Variants in AK7 observed in about 807,000 individuals in gnomAD.
The protein encoded by AK7 is ATP-AMP transphosphorylase 7.
A neutral mutation model predicts 96.6 loss-of-function variants in AK7; 78 were observed. The observed-to-expected ratio is 0.81, with a 90% CI of 0.67 to 0.97. The LOEUF is 0.97. Among genes scored for constraint, AK7 ranks in the 50% least tolerant of loss-of-function variants. The probability of loss-of-function intolerance (pLI) is 0.00; values close to 1 mark genes in which losing one functional copy is unlikely to be tolerated. For synonymous variants in AK7, 302 were observed against 317.2 expected, an observed-to-expected ratio of 0.95 and a Z score of 0.51; for missense variants, 855 against 887.9, an observed-to-expected ratio of 0.96 and a Z score of 0.47.
intron 4 of AK7, among the ~76,000 whole-genome samples, chr14:96,409,600 A>G (rs1890919826): frequency 6.6e-6 from 1 of 152,228 alleles, no homozygotes; most frequent in Non-Finnish European, 1.5e-5. Context: ...AAAAGAAAAT[A>G]TAAGTAAAAT....
intron 12 of AK7, among the ~76,000 whole-genome samples, chr14:96,459,230 C>A (rs972051475): frequency 6.6e-6 from 1 of 151,890 alleles, no homozygotes; most frequent in Non-Finnish European, 1.5e-5. Flanking sequence ...CCCAGCTACT[C>A]GGGAAGGTGA....
At chr14:96,466,259 AG>A (rs1188733045) in intron 12 of AK7, among the ~76,000 whole-genome samples, 1 of 149,434 alleles carries the variant, frequency 6.7e-6, no homozygotes, top group Non-Finnish European at 1.5e-5. Flanking sequence ...TTTTTGAGAC[AG>A]AGTCCTCGCT....
intron 5 of AK7, chr14:96,421,288 C>T (rs544620861): frequency 6.1e-6 from 1 of 162,916 alleles, no homozygotes; most frequent in African/African-American, 2.4e-5. Context: ...GCCTATTAAC[C>T]TCCTCTTATG....
At chr14:96,456,612 G>A (rs1893926694) in intron 11 of AK7, 137 bp downstream of exon 11, 1 of 947,914 alleles carries the variant, frequency 1.1e-6, no homozygotes, top group African/African-American at 1.7e-5. Context: ...CATCCAAGGT[G>A]TCCTAATCAG....
At chr14:96,455,349 G>T (rs1447369286) in intron 10 of AK7, among the ~76,000 whole-genome samples, 1 of 152,044 alleles carries the variant, frequency 6.6e-6, no homozygotes, top group Non-Finnish European at 1.5e-5. Context: ...GACGAACATG[G>T]TGGTGTGCCT....
Position 96,442,784 on chromosome 14 carries a change from G to A in AK7, c.745G>A (p.Val249Ile), listed in dbSNP as rs1425713990. Residue 249 changes from valine to isoleucine, a missense_variant, in exon 7 of 18, where the codon GTA (valine) becomes ATA (isoleucine). By Grantham distance (29) the Val-to-Ile change is conservative. Coordinates refer to ENST00000267584, the MANE Select transcript of AK7 (RefSeq NM_152327.5). ...ACCAGTTTTTGGCGATGGAACAAAT[G>A]TAATTCCAACAATCCATGTTCTTGA... ...ALPVFGDGTN[V>I]IPTIHVLDLA... 2 of 1,614,198 alleles carry A rather than the reference G, an allele frequency of 1.2e-6. No individual in the cohort carries two copies. Among genetic ancestry groups the A allele is most frequent in the Non-Finnish European group, 1.7e-6 (2 of 1,180,026 alleles).
intron 4 of AK7, among the ~76,000 whole-genome samples, chr14:96,420,158 G>A (rs370774921): frequency 2.6e-5 from 4 of 151,388 alleles, no homozygotes; most frequent in Admixed American, 1.3e-4. Flanking sequence ...GAGCCACTGC[G>A]CCTGGCCTCC....
intron 15 of AK7, among the ~76,000 whole-genome samples, chr14:96,480,818 A>G (rs1428933487): frequency 1.3e-5 from 2 of 152,192 alleles, no homozygotes; most frequent in Admixed American, 1.3e-4. Context: ...TACAACTGAC[A>G]ACTGGGAGAT....
intron 5 of AK7, among the ~76,000 whole-genome samples, chr14:96,432,636 C>T (rs1366531013): frequency 6.6e-6 from 1 of 152,070 alleles, no homozygotes; most frequent in Non-Finnish European, 1.5e-5. Context: ...TTCTCCTTCA[C>T]TTACGAAGCT....
chr14:96,456,785 G>T lies in AK7; in HGVS notation c.1227+310G>T, dbSNP rs144158787. On this transcript the variant is annotated intron_variant, in intron 11 of 17. Coordinates refer to ENST00000267584, the MANE Select transcript of AK7 (RefSeq NM_152327.5). Reference sequence around the variant, plus strand: ...AGTGTGTGTTTGTGTCGTCTTCTTCGTGGCCAACTCAGGGGTCGGGGGATG... The same window carrying T: ...AGTGTGTGTTTGTGTCGTCTTCTTCTTGGCCAACTCAGGGGTCGGGGGATG... The T allele has an allele frequency of 2.0e-3, 480 of 244,896 alleles. 3 individuals carry two copies. The highest frequency in any genetic ancestry group is 0.01 in the African/African-American group (465 of 44,350). 15.2% of individuals were successfully genotyped at this position (244,896 alleles called of 1,614,324 possible). A position where few individuals can be genotyped will look rare whatever the true frequency, so the allele number is the denominator to read the frequency against.
chr14:96,475,201 T>A (rs1895105882), intron 14 of AK7, among the ~76,000 whole-genome samples: 1 of 152,242 alleles, frequency 6.6e-6, no homozygotes, highest in Admixed American at 6.5e-5. Context: ...TTATTTTCTA[T>A]TTCTCTGAAA....
chr14:96,404,727 C>A, intron 2 of AK7, 30 bp from the exon 3 acceptor site: 1 of 1,474,910 alleles, frequency 6.8e-7, no homozygotes, highest in Non-Finnish European at 9.5e-7. Flanking sequence ...TAGCGTCTTG[C>A]TGCAAATGGC....
At chr14:96,431,783 G>T (rs1892367118) in intron 5 of AK7, among the ~76,000 whole-genome samples, 1 of 152,150 alleles carries the variant, frequency 6.6e-6, no homozygotes, top group Non-Finnish European at 1.5e-5. Context: ...TCTGCTTGGT[G>T]CAGAGCTGAG....
chr14:96,423,504 A>G (rs770835415), intron 5 of AK7, among the ~76,000 whole-genome samples: 1 of 152,210 alleles, frequency 6.6e-6, no homozygotes, highest in Non-Finnish European at 1.5e-5. Context: ...ATCAAAACAT[A>G]AAACAGAGTG....
chr14:96,441,085 G>A (rs959925703), intron 6 of AK7, among the ~76,000 whole-genome samples: 1 of 151,892 alleles, frequency 6.6e-6, no homozygotes, highest in African/African-American at 2.4e-5. Flanking sequence ...CATGAGGGAA[G>A]GGTAGAGGAA....
intron 10 of AK7, among the ~76,000 whole-genome samples, chr14:96,453,778 G>A (rs576804165): frequency 2.0e-5 from 3 of 152,102 alleles, no homozygotes; most frequent in Non-Finnish European, 4.4e-5. Flanking sequence ...TTGGCATCCT[G>A]GTTTTACACC....
chr14:96,419,261 T>A (rs1891530127), intron 4 of AK7, among the ~76,000 whole-genome samples: 2 of 152,144 alleles, frequency 1.3e-5, no homozygotes, highest in Non-Finnish European at 2.9e-5. Context: ...ATGTCCTTTT[T>A]AACATGTTAT....
intron 5 of AK7, among the ~76,000 whole-genome samples, chr14:96,426,422 CT>C (rs1892033750): frequency 6.6e-6 from 1 of 152,116 alleles, no homozygotes; most frequent in Non-Finnish European, 1.5e-5. Context: ...ATTGTATAGT[CT>C]TCCTACTTAG....
chr14:96,437,947 A>G (rs370081121), intron 6 of AK7, 32 bp downstream of exon 6: 5 of 1,588,460 alleles, frequency 3.1e-6, no homozygotes, highest in Non-Finnish European at 4.3e-6. Flanking sequence ...TGGAATGTTT[A>G]AAAGTGTCTT....
Sources: gnomAD v4.1 joint callset for allele counts (sites outside exome capture counted in the v4.1 genomes callset) on GRCh38, gnomAD v4.1.1 for gene constraint, MANE v1.5 for transcripts, NCBI Gene and HGNC (gene_info 2026-07-23, HGNC 2026-07-21) for gene names.